SPIRE1: variants seen among roughly 807,000 people sequenced by gnomAD.
SPIRE1 encodes the protein protein spire homolog 1.
SPIRE1 carries 40 observed loss-of-function variants against 94.1 expected under a neutral mutation model. That is an observed-to-expected ratio of 0.43 (90% CI 0.33 to 0.55). The LOEUF (loss-of-function observed/expected upper bound fraction) is 0.55, where lower values mean the gene tolerates loss of function less well. Ranked by LOEUF, SPIRE1 falls within the 20% of genes least tolerant of loss-of-function variation. The pLI is 0.06. For missense variants in SPIRE1, 838 were observed against 975.2 expected, an observed-to-expected ratio of 0.86 and a Z score of 1.87; for synonymous variants, 376 against 371.7, an observed-to-expected ratio of 1.01 and a Z score of -0.13.
chr18:12,633,367 G>A (rs190773602), intron 2 of SPIRE1, among the ~76,000 whole-genome samples: 18 of 152,010 alleles, frequency 1.2e-4, no homozygotes, highest in Admixed American at 7.2e-4. Flanking sequence ...ACCTGAGACC[G>A]GGAGTTTGAG....
intron 7 of SPIRE1, among the ~76,000 whole-genome samples, 198 bp from the exon 8 acceptor site, chr18:12,493,399 A>G (rs570467781): frequency 1.1e-3 from 161 of 152,252 alleles, no homozygotes; most frequent in African/African-American, 3.7e-3. Flanking sequence ...TTGGTTATAC[A>G]TTCTCAAATT....
chr18:12,493,416 T>C (rs899599775), intron 7 of SPIRE1, among the ~76,000 whole-genome samples: 2 of 152,192 alleles, frequency 1.3e-5, no homozygotes, highest in Non-Finnish European at 2.9e-5. Flanking sequence ...AATTGTATTT[T>C]ATTGCTTACA....
intron 2 of SPIRE1, among the ~76,000 whole-genome samples, chr18:12,634,164 C>T (rs535695620): frequency 2.0e-5 from 3 of 152,030 alleles, no homozygotes; most frequent in South Asian, 2.1e-4. Flanking sequence ...AGGAGAATGG[C>T]GTGAACCCGG....
At chr18:12,540,300 T>G (rs1212137060) in intron 3 of SPIRE1, among the ~76,000 whole-genome samples, 1 of 152,174 alleles carries the variant, frequency 6.6e-6, no homozygotes, top group Non-Finnish European at 1.5e-5. Context: ...CTCCTCCAGG[T>G]GTTGATTTCA....
At chr18:12,500,428 A>G (rs2033614359) in intron 6 of SPIRE1, among the ~76,000 whole-genome samples, 1 of 152,218 alleles carries the variant, frequency 6.6e-6, no homozygotes, top group Admixed American at 6.5e-5. Flanking sequence ...TCACACTGTT[A>G]GGGGAGTTAC....
chr18:12,658,553 A>T (rs1260039621), upstream of SPIRE1: 1 of 470,700 alleles, frequency 2.1e-6, no homozygotes. Flanking sequence ...GGGAGAAGTC[A>T]CCCGCATTGA....
At chr18:12,603,599 G>A (rs1567961651) in intron 2 of SPIRE1, among the ~76,000 whole-genome samples, 1 of 149,188 alleles carries the variant, frequency 6.7e-6, no homozygotes. Flanking sequence ...TTTTGAGATG[G>A]AGTCTCACTC....
chr18:12,503,491 T>G (rs1166073421), intron 6 of SPIRE1, among the ~76,000 whole-genome samples: 3 of 152,204 alleles, frequency 2.0e-5, no homozygotes, highest in Non-Finnish European at 4.4e-5. Flanking sequence ...CTGAGTTGTC[T>G]TTTCTTCTCA....
At chr18:12,661,073 C>T (rs1190870715), upstream of SPIRE1, among the ~76,000 whole-genome samples, 12 of 152,010 alleles carry the variant, frequency 7.9e-5, no homozygotes, top group South Asian at 2.1e-3. Context: ...TTTGGGAGGC[C>T]GAGGCGGGCA....
At chr18:12,469,763 C>A (rs999233335) in intron 10 of SPIRE1, among the ~76,000 whole-genome samples, 1 of 140,914 alleles carries the variant, frequency 7.1e-6, no homozygotes, top group East Asian at 2.0e-4. Context: ...TATATATATA[C>A]ACATATACAC....
At chr18:12,635,165 TG>T in intron 1 of SPIRE1, 69 bp from the exon 2 acceptor site, 1 of 822,812 alleles carries the variant, frequency 1.2e-6, no homozygotes. Flanking sequence ...TAAAAATATT[TG>T]AGCTTCTCTG....
intron 9 of SPIRE1, among the ~76,000 whole-genome samples, chr18:12,484,698 AAACAGTAGCT>A (rs2032971067): frequency 6.6e-6 from 1 of 152,236 alleles, no homozygotes; most frequent in Non-Finnish European, 1.5e-5. Flanking sequence ...TTTATATTTA[AAACAGTAGCT>A]TCCAAAATTA....
intron 4 of SPIRE1, among the ~76,000 whole-genome samples, chr18:12,518,752 T>C (rs1174604861): frequency 1.3e-5 from 2 of 151,714 alleles, no homozygotes; most frequent in African/African-American, 4.8e-5. Context: ...ACATAAAGAG[T>C]ATTAAATACA....
At chr18:12,497,323 A>T (rs1242667856) in intron 6 of SPIRE1, among the ~76,000 whole-genome samples, 1 of 152,048 alleles carries the variant, frequency 6.6e-6, no homozygotes, top group African/African-American at 2.4e-5. Context: ...TTTTTTTTTT[A>T]AACCCAGAAA....
At chr18:12,554,904 T>C (rs900227223) in intron 2 of SPIRE1, among the ~76,000 whole-genome samples, 1 of 152,182 alleles carries the variant, frequency 6.6e-6, no homozygotes, top group Admixed American at 6.5e-5. Context: ...CCAAGTTCCT[T>C]TCTCAGGAAA....
chr18:12,447,441 G>C lies in SPIRE1; in HGVS notation c.*2197C>G, dbSNP rs973630759. On this transcript the variant is annotated 3_prime_UTR_variant, in exon 17 of 17. Transcript: ENST00000409402. ...AGTGTGGAGGGGGGTGGTAGAAAGG[G>C]GGGTTAAATGTAAGACTTTGTTTTG... is the stretch of plus-strand genomic sequence containing the variant. The C allele has an allele frequency of 6.8e-6, 1 of 147,892 alleles. No homozygotes were observed. The highest frequency in any genetic ancestry group is 6.8e-5 in the Admixed American group (1 of 14,748). 9.2% of individuals were successfully genotyped at this position (147,892 alleles called of 1,614,324 possible). A position where few individuals can be genotyped will look rare whatever the true frequency, so the allele number is the denominator to read the frequency against.
At chr18:12,529,363 C>T (rs1054078168) in intron 4 of SPIRE1, among the ~76,000 whole-genome samples, 13 of 142,698 alleles carry the variant, frequency 9.1e-5, no homozygotes, top group African/African-American at 2.1e-4. Context: ...AGCAAGACTC[C>T]GTCTCAAAAA....
chr18:12,577,451 CA>C (rs1442684604), intron 2 of SPIRE1, among the ~76,000 whole-genome samples: 1 of 151,960 alleles, frequency 6.6e-6, no homozygotes, highest in Non-Finnish European at 1.5e-5. Flanking sequence ...CTGGCCACTA[CA>C]AAAATTATTT....
intron 2 of SPIRE1, among the ~76,000 whole-genome samples, chr18:12,616,701 A>C (rs2037317488): frequency 6.6e-6 from 1 of 152,214 alleles, no homozygotes; most frequent in Non-Finnish European, 1.5e-5. Context: ...GTTTGAATTC[A>C]TAAATTACAG....
Sources: gnomAD v4.1 joint callset for allele counts (sites outside exome capture counted in the v4.1 genomes callset) on GRCh38, gnomAD v4.1.1 for gene constraint, MANE v1.5 for transcripts, NCBI Gene and HGNC (gene_info 2026-07-23, HGNC 2026-07-21) for gene names.